NEDD9: variants seen among roughly 807,000 people sequenced by gnomAD.
The protein encoded by NEDD9 is enhancer of filamentation 1.
NEDD9 carries 26 observed loss-of-function variants against 76.6 expected under a neutral mutation model. The observed-to-expected ratio is 0.34, with a 90% CI of 0.25 to 0.47. NEDD9 has a LOEUF of 0.47. NEDD9 is among the 20% of genes least tolerant of loss of function. The probability of loss-of-function intolerance (pLI) is 1.00; values close to 1 mark genes in which losing one functional copy is unlikely to be tolerated. For synonymous variants in NEDD9, 392 were observed against 414.2 expected, an observed-to-expected ratio of 0.95 and a Z score of 0.65; for missense variants, 937 against 1,058.5, an observed-to-expected ratio of 0.89 and a Z score of 1.59.
Position 11,324,299 on chromosome 6 carries a change from T to C in NEDD9, c.-153+10202A>G, listed in dbSNP as rs1185118520. On this transcript the variant is annotated intron_variant, in intron 2 of 3. Coordinates refer to the NEDD9 transcript ENST00000397378. ...CTCTTTCCTGGCATGGCATGTGCTCTCGGGCTGTACCTCTGGTAGTGAATC... is the reference window on the plus strand; with the variant it reads ...CTCTTTCCTGGCATGGCATGTGCTCCCGGGCTGTACCTCTGGTAGTGAATC... 3.9e-5 allele frequency among the ~76,000 whole-genome samples: 6 copies of C among 152,222 alleles called. No homozygotes were observed. The East Asian group carries it at 1.2e-3, about 29-fold the overall frequency.
chr6:11,344,661 C>T (rs1399402312), intron 1 of NEDD9, among the ~76,000 whole-genome samples: 1 of 152,210 alleles, frequency 6.6e-6, no homozygotes, highest in Non-Finnish European at 1.5e-5. Context: ...CATGTGACTA[C>T]AATCTGCTTG....
chr6:11,314,565 G>A (rs1388325834), intron 2 of NEDD9, among the ~76,000 whole-genome samples: 4 of 152,196 alleles, frequency 2.6e-5, no homozygotes, highest in Non-Finnish European at 5.9e-5. Flanking sequence ...AACAGCCTAG[G>A]TTCCTGATTT....
In NEDD9 at chr6:11,191,098, C is replaced by T. The variant is rs200939595; in HGVS notation, c.771G>A (p.Pro257=). The change falls in exon 5 of 7, where the codon CCG becomes CCA. Residue 257 remains proline, a synonymous_variant. Transcript: ENST00000379446. ...TTGGAGGAATGTCATAAACCCCCTC[C>T]GGTCTGAGGTCCGGCCTTCCAGCTT... ...MRQAGRPDLR[P]EGVYDIPPTC... is the part of the protein sequence containing the mutation. 64 of 1,613,994 alleles carry T rather than the reference C, an allele frequency of 4.0e-5. No individual in the cohort carries two copies. In the East Asian group the frequency reaches 8.2e-4, roughly 21 times the overall value.
At chr6:11,344,261 A>G (rs1486301319) in intron 1 of NEDD9, among the ~76,000 whole-genome samples, 4 of 151,950 alleles carry the variant, frequency 2.6e-5, no homozygotes, top group African/African-American at 9.7e-5. Context: ...TAGAAATCTC[A>G]CATAACATCA....
intron 1 of NEDD9, among the ~76,000 whole-genome samples, chr6:11,377,692 T>C (rs1762989808): frequency 6.6e-6 from 1 of 152,212 alleles, no homozygotes; most frequent in Non-Finnish European, 1.5e-5. Context: ...CTGGAATCAA[T>C]TCAGACTTCG....
At chr6:11,202,124 C>T (rs2146342) in intron 2 of NEDD9, among the ~76,000 whole-genome samples, 34,540 of 152,128 alleles carry the variant, frequency 0.23, 4,720 homozygotes, top group South Asian at 0.45. Flanking sequence ...ATAGTACCTA[C>T]GATTCTCTGA....
At chr6:11,350,776 G>C (rs768241347) in intron 1 of NEDD9, among the ~76,000 whole-genome samples, 2 of 152,164 alleles carry the variant, frequency 1.3e-5, no homozygotes, top group Admixed American at 1.3e-4. Context: ...ACAGTGGGGA[G>C]ACAGGTGAGT....
intron 3 of NEDD9, among the ~76,000 whole-genome samples, chr6:11,299,006 C>T (rs1336666736): frequency 6.6e-6 from 1 of 152,166 alleles, no homozygotes; most frequent in Non-Finnish European, 1.5e-5. Context: ...GGATGCAGCC[C>T]ATGGAGGGTG....
chr6:11,341,011 GC>G (rs1239431379), intron 1 of NEDD9, among the ~76,000 whole-genome samples: 8 of 152,168 alleles, frequency 5.3e-5, no homozygotes, highest in Non-Finnish European at 4.4e-5. Flanking sequence ...AGGCAGGCAT[GC>G]TTCTGCCTCC....
chr6:11,302,763 A>G (rs978600632), intron 3 of NEDD9, among the ~76,000 whole-genome samples: 1 of 152,178 alleles, frequency 6.6e-6, no homozygotes, highest in Admixed American at 6.5e-5. Context: ...AATGACAAAA[A>G]CCACATGATC....
In NEDD9 at chr6:11,305,670, G is replaced by A. The variant is rs1003489201; in HGVS notation, c.12+322C>T. 3.3e-5 allele frequency among the ~76,000 whole-genome samples: 5 copies of A among 152,318 alleles called. No homozygotes were observed. The East Asian group carries it at 9.6e-4, about 29-fold the overall frequency. ...AAACGTGGGCAATCAGCTTCTGAAT[G>A]AATAGTTCAGTGAGTGTAACTTCCA... On this transcript the variant is annotated intron_variant, in intron 3 of 3. Transcript: ENST00000397378.
chr6:11,254,478 T>A (rs1339174726), intron 3 of NEDD9, among the ~76,000 whole-genome samples: 4 of 152,190 alleles, frequency 2.6e-5, no homozygotes, highest in Admixed American at 6.5e-5. Flanking sequence ...ATATTTCTAT[T>A]TTTAAACTTT....
intron 3 of NEDD9, chr6:11,258,551 A>G (rs190026349): frequency 6.6e-5 from 10 of 152,144 alleles, no homozygotes; most frequent in Admixed American, 3.3e-4. Context: ...TTGGAAGCCA[A>G]TTTATCGTCT....
chr6:11,372,184 A>G (rs888590129), intron 1 of NEDD9, among the ~76,000 whole-genome samples: 3 of 132,544 alleles, frequency 2.3e-5, no homozygotes, highest in East Asian at 2.2e-4. Flanking sequence ...CCATCCCTCT[A>G]TTGTCTGTCT....
At chr6:11,208,126 C>T (rs1308620616) in intron 2 of NEDD9, among the ~76,000 whole-genome samples, 2 of 149,548 alleles carry the variant, frequency 1.3e-5, no homozygotes, top group African/African-American at 5.0e-5. Flanking sequence ...TGCAGTGAGC[C>T]GAGATGGCAC....
chr6:11,215,309 C>T (rs1758919658), intron 1 of NEDD9, among the ~76,000 whole-genome samples: 1 of 152,130 alleles, frequency 6.6e-6, no homozygotes, highest in Non-Finnish European at 1.5e-5. Context: ...GTGTGAGACA[C>T]AGAGAGGTGA....
At chr6:11,206,925 G>A (rs575073529) in intron 2 of NEDD9, among the ~76,000 whole-genome samples, 23 of 152,296 alleles carry the variant, frequency 1.5e-4, no homozygotes, top group African/African-American at 4.6e-4. Flanking sequence ...CATTTTAGAT[G>A]GCAAGTACAG....
intron 1 of NEDD9, among the ~76,000 whole-genome samples, chr6:11,219,958 C>A (rs1434634246): frequency 6.6e-6 from 1 of 152,134 alleles, no homozygotes; most frequent in Non-Finnish European, 1.5e-5. Context: ...TGAGTTGGTT[C>A]CTCTTGAGAT....
chr6:11,232,806 G>T, upstream of NEDD9: 1 of 979,444 alleles, frequency 1.0e-6, no homozygotes, highest in Non-Finnish European at 1.4e-6. Context: ...CTTGTAATGT[G>T]ATCGCTTCTT....
Sources: gnomAD v4.1 joint callset for allele counts (sites outside exome capture counted in the v4.1 genomes callset) on GRCh38, gnomAD v4.1.1 for gene constraint, MANE v1.5 for transcripts, NCBI Gene and HGNC (gene_info 2026-07-23, HGNC 2026-07-21) for gene names.